Variants in LIN7A observed in about 807,000 individuals in gnomAD.
The protein encoded by LIN7A is protein lin-7 homolog A.
In LIN7A, 25 loss-of-function variants were observed where a neutral mutation model predicts 29.8. The observed-to-expected ratio is 0.84, with a 90% CI of 0.61 to 1.17. LIN7A has a LOEUF of 1.17. Among genes scored for constraint, LIN7A ranks in the 50% most tolerant of loss-of-function variants. The pLI, the probability that LIN7A is intolerant of heterozygous loss-of-function variation, is 0.00. For missense variants in LIN7A, 239 were observed against 287.0 expected (o/e 0.83, Z 1.21); for synonymous variants, 118 against 107.5 (o/e 1.10, Z -0.60).
At chr12:80,844,925 T>C (rs969196811) in intron 4 of LIN7A, among the ~76,000 whole-genome samples, 19 of 152,162 alleles carry the variant, frequency 1.2e-4, no homozygotes, top group African/African-American at 4.6e-4. Context: ...TTTATTATAC[T>C]ATAGCTGTAG....
At chr12:80,813,766 T>C (rs1871406391) in intron 4 of LIN7A, among the ~76,000 whole-genome samples, 1 of 152,148 alleles carries the variant, frequency 6.6e-6, no homozygotes, top group Non-Finnish European at 1.5e-5. Context: ...AAGGAAACCC[T>C]GGCTCCTGCC....
chr12:80,892,799 C>T (rs1010306303), intron 1 of LIN7A, among the ~76,000 whole-genome samples: 37 of 152,078 alleles, frequency 2.4e-4, no homozygotes, highest in African/African-American at 5.8e-4. Flanking sequence ...GCCCTTCAGG[C>T]GATGCTAAAG....
chr12:80,832,622 T>C (rs1340358728), intron 4 of LIN7A: 1 of 463,356 alleles, frequency 2.2e-6, no homozygotes, highest in Admixed American at 2.6e-5. Flanking sequence ...TCTAGGCTCC[T>C]TATGATGGCT....
chr12:80,829,214 C>T (rs546678294), intron 4 of LIN7A, among the ~76,000 whole-genome samples: 7 of 152,234 alleles, frequency 4.6e-5, no homozygotes, highest in African/African-American at 1.2e-4. Flanking sequence ...CTATAATTGC[C>T]TGGGTAACTC....
chr12:80,847,220 A>G (rs1405374487), intron 3 of LIN7A, among the ~76,000 whole-genome samples: 1 of 152,208 alleles, frequency 6.6e-6, no homozygotes, highest in East Asian at 1.9e-4. Context: ...TTCTACATGA[A>G]TAAGAAATGA....
At chr12:80,860,036 A>G (rs1003516421) in intron 2 of LIN7A, among the ~76,000 whole-genome samples, 2 of 152,216 alleles carry the variant, frequency 1.3e-5, no homozygotes, top group Non-Finnish European at 2.9e-5. Flanking sequence ...CATTTAATCA[A>G]TCCTCTGATG....
intron 2 of LIN7A, among the ~76,000 whole-genome samples, chr12:80,855,125 A>G (rs1021225697): frequency 6.7e-6 from 1 of 149,706 alleles, no homozygotes; most frequent in Non-Finnish European, 1.5e-5. Context: ...CAATGACTGG[A>G]AAAAAAAAAG....
intron 2 of LIN7A, among the ~76,000 whole-genome samples, chr12:80,877,975 C>A (rs1874802998): frequency 6.6e-6 from 1 of 152,056 alleles, no homozygotes; most frequent in Non-Finnish European, 1.5e-5. Context: ...CTGACTGATA[C>A]AAAATACAAC....
At chr12:80,841,772 C>T (rs1565897917) in intron 4 of LIN7A, 2 of 460,226 alleles carry the variant, frequency 4.3e-6, no homozygotes, top group Non-Finnish European at 5.8e-6. Flanking sequence ...TTGGCTGCAA[C>T]CCTTATAAAT....
At chr12:80,897,740 G>A (rs1484372968) in intron 1 of LIN7A, among the ~76,000 whole-genome samples, 5 of 152,110 alleles carry the variant, frequency 3.3e-5, no homozygotes, top group African/African-American at 7.2e-5. Context: ...GGGAGGCGGA[G>A]GTTGCAGTTA....
At chr12:80,928,181 T>C (rs1877709418) in intron 1 of LIN7A, among the ~76,000 whole-genome samples, 1 of 152,158 alleles carries the variant, frequency 6.6e-6, no homozygotes, top group Non-Finnish European at 1.5e-5. Flanking sequence ...TGTGCATGTG[T>C]CTTTATAGTA....
At chr12:80,798,644 C>T in intron 5 of LIN7A, among the ~76,000 whole-genome samples, 1 of 152,126 alleles carries the variant, frequency 6.6e-6, no homozygotes, top group Admixed American at 6.6e-5. Flanking sequence ...TGAGTGCTCA[C>T]TAAGTGTCAC....
intron 2 of LIN7A, among the ~76,000 whole-genome samples, chr12:80,878,672 A>G (rs1874854005): frequency 6.6e-6 from 1 of 152,164 alleles, no homozygotes. Flanking sequence ...GTCCCCGCCC[A>G]TGTCCTGCTG....
chr12:80,937,692 T>C lies in LIN7A; in HGVS notation c.31A>G (p.Thr11Ala). The C allele has an allele frequency of 6.5e-7, 1 of 1,531,372 alleles. No homozygotes were observed. 94.9% of individuals were successfully genotyped at this position (1,531,372 alleles called of 1,614,324 possible). Residue 11 changes from threonine to alanine, a missense_variant, in exon 1 of 6, where the codon ACG becomes GCG. Physicochemically the swap from Thr to Ala is moderately conservative, Grantham distance 58. Transcript: ENST00000552864. Reference protein sequence around the residue: MLKPSVTSAPTADMATLTVVQ... With the variant: MLKPSVTSAPAADMATLTVVQ... The stretch of plus-strand genomic sequence containing the variant: ...ACTGTCAATGTCGCCATGTCTGCCG[T>C]GGGAGCCGAAGTGACGCTCGGCTTC...
intron 2 of LIN7A, among the ~76,000 whole-genome samples, chr12:80,860,416 A>G (rs1262638252): frequency 6.6e-6 from 1 of 152,254 alleles, no homozygotes; most frequent in Non-Finnish European, 1.5e-5. Flanking sequence ...ATAGATGCCA[A>G]CTACTCTGGC....
chr12:80,818,037 C>T (rs1342462314), intron 4 of LIN7A, among the ~76,000 whole-genome samples: 1 of 152,198 alleles, frequency 6.6e-6, no homozygotes, highest in African/African-American at 2.4e-5. Flanking sequence ...TTATGATTCT[C>T]AACTTTGAAA....
intron 1 of LIN7A, among the ~76,000 whole-genome samples, chr12:80,921,618 G>A (rs572520101): frequency 6.6e-6 from 1 of 151,796 alleles, no homozygotes; most frequent in Non-Finnish European, 1.5e-5. Context: ...TCCCATCAGG[G>A]AGGCCCCACC....
intron 1 of LIN7A, among the ~76,000 whole-genome samples, chr12:80,917,607 T>G (rs1322638981): frequency 6.6e-6 from 1 of 152,212 alleles, no homozygotes; most frequent in East Asian, 1.9e-4. Flanking sequence ...TCTTCAATAT[T>G]CTTATATTTT....
In LIN7A at chr12:80,889,278, C is replaced by G. The variant is rs141214054; in HGVS notation, c.174G>C (p.Gln58His). 1.2e-6 allele frequency: 2 copies of G among 1,611,628 alleles called. No individual in the cohort carries two copies. Among genetic ancestry groups the G allele is most frequent in the Non-Finnish European group, 1.7e-6 (2 of 1,178,184 alleles). ...HKLQSLKKVL[Q>H]SEFCTAIREV... ...CTCGAATAGCTGTACAAAACTCACTCTGAAGCACTTTTTTGAGGGATTGTA... is the reference window on the plus strand; with the variant it reads ...CTCGAATAGCTGTACAAAACTCACTGTGAAGCACTTTTTTGAGGGATTGTA... Residue 58 changes from glutamine to histidine, a missense_variant, in exon 2 of 6, where the codon CAG becomes CAC. Coordinates refer to ENST00000552864, the MANE Select transcript of LIN7A (RefSeq NM_004664.4).
Sources: allele counts gnomAD v4.1 joint callset (sites outside exome capture counted in the v4.1 genomes callset), GRCh38; gene constraint gnomAD v4.1.1; transcripts MANE v1.5; gene names NCBI Gene and HGNC (gene_info 2026-07-23, HGNC 2026-07-21).